ITGBL1: variants seen among roughly 807,000 people sequenced by gnomAD.
ITGBL1 encodes the protein integrin subunit beta like 1, also known as integrin beta-like protein 1.
ITGBL1 carries 51 observed loss-of-function variants against 68.5 expected under a neutral mutation model. The observed-to-expected ratio is 0.74, with a 90% CI of 0.59 to 0.94. The LOEUF (loss-of-function observed/expected upper bound fraction) is 0.94. ITGBL1 is among the 40% of genes least tolerant of loss of function. The pLI is 0.00. For missense variants in ITGBL1, 649 were observed against 647.4 expected (o/e 1.00, Z -0.03); for synonymous variants, 209 against 227.3 (o/e 0.92, Z 0.72).
At chr13:101,493,066 T>A (rs1335588) in intron 2 of ITGBL1, among the ~76,000 whole-genome samples, 76,111 of 151,922 alleles carry the variant, frequency 0.5, 19,596 homozygotes, top group Non-Finnish European at 0.54. Context: ...GGTTAATGGG[T>A]GGAAGGGGAG....
intron 7 of ITGBL1, among the ~76,000 whole-genome samples, chr13:101,620,234 A>G (rs1283026451): frequency 2.6e-5 from 4 of 152,164 alleles, no homozygotes; most frequent in African/African-American, 9.7e-5. Context: ...CAGGGTTTAC[A>G]TTTTGGGAGT....
chr13:101,629,891 C>T (rs1269126554), intron 7 of ITGBL1, among the ~76,000 whole-genome samples: 4 of 152,086 alleles, frequency 2.6e-5, no homozygotes, highest in East Asian at 1.9e-4. Flanking sequence ...GACACAACCT[C>T]GGCTCACTGC....
chr13:101,463,861 T>C (rs963476171), intron 2 of ITGBL1, among the ~76,000 whole-genome samples: 1 of 150,894 alleles, frequency 6.6e-6, no homozygotes, highest in Non-Finnish European at 1.5e-5. Context: ...TATTTAATCA[T>C]AAGAATGCAA....
chr13:101,597,563 T>G (rs2030056487), intron 6 of ITGBL1, among the ~76,000 whole-genome samples: 1 of 152,030 alleles, frequency 6.6e-6, no homozygotes, highest in Admixed American at 6.6e-5. Context: ...GTTTTTTTGT[T>G]TTTTTTGAGA....
intron 6 of ITGBL1, among the ~76,000 whole-genome samples, chr13:101,594,108 A>G (rs975214211): frequency 1.3e-5 from 2 of 152,148 alleles, no homozygotes; most frequent in Admixed American, 1.3e-4. Flanking sequence ...TGGAACCACA[A>G]TATACCCCAA....
At chr13:101,453,858 T>C (rs1176718019) in intron 1 of ITGBL1, 25 bp from the exon 2 acceptor site, 3 of 1,232,018 alleles carry the variant, frequency 2.4e-6, no homozygotes, top group Middle Eastern at 3.1e-4. Flanking sequence ...TGACCCGGCC[T>C]GCCGGTTGCT....
At chr13:101,699,850 A>T (rs775460168) in intron 8 of ITGBL1, among the ~76,000 whole-genome samples, 1 of 152,162 alleles carries the variant, frequency 6.6e-6, no homozygotes, top group East Asian at 1.9e-4. Context: ...AACTACTTCT[A>T]TGGTCTTATT....
intron 7 of ITGBL1, among the ~76,000 whole-genome samples, chr13:101,606,009 T>C (rs2030822101): frequency 2.0e-5 from 3 of 146,864 alleles, no homozygotes; most frequent in Admixed American, 1.4e-4. Flanking sequence ...TATACACATA[T>C]ATATGTATAT....
At chr13:101,594,115 C>T (rs2050703473) in intron 6 of ITGBL1, among the ~76,000 whole-genome samples, 1 of 151,920 alleles carries the variant, frequency 6.6e-6, no homozygotes, top group Admixed American at 6.6e-5. Context: ...ACAATATACC[C>T]CAAATAACTA....
intron 7 of ITGBL1, among the ~76,000 whole-genome samples, chr13:101,673,900 T>C (rs892523059): frequency 3.9e-5 from 6 of 152,166 alleles, no homozygotes; most frequent in African/African-American, 1.4e-4. Flanking sequence ...CCCTCTGACA[T>C]GGGATCAGAG....
At chr13:101,627,821 T>A (rs899015815) in intron 7 of ITGBL1, among the ~76,000 whole-genome samples, 1 of 152,238 alleles carries the variant, frequency 6.6e-6, no homozygotes, top group East Asian at 1.9e-4. Flanking sequence ...CTTGTCTGAA[T>A]GTACCACTGT....
At chr13:101,669,694 T>G (rs2033311515) in intron 7 of ITGBL1, among the ~76,000 whole-genome samples, 1 of 152,336 alleles carries the variant, frequency 6.6e-6, no homozygotes, top group African/African-American at 2.4e-5. Context: ...TAATTTTCAA[T>G]CATTTTCTGA....
chr13:101,605,232 ATG>A (rs2139348833), intron 7 of ITGBL1, among the ~76,000 whole-genome samples: 1 of 144,700 alleles, frequency 6.9e-6, no homozygotes, highest in Admixed American at 7.0e-5. Context: ...AGACATAGGC[ATG>A]TGTGTATATG....
At chr13:101,583,875 T>A (rs2050506644) in intron 6 of ITGBL1, among the ~76,000 whole-genome samples, 1 of 152,164 alleles carries the variant, frequency 6.6e-6, no homozygotes, top group Non-Finnish European at 1.5e-5. Flanking sequence ...CCCACTCTTT[T>A]AAAGTTAGTC....
Position 101,452,827 on chromosome 13 carries a change from G to C in ITGBL1, c.-7G>C, listed in dbSNP as rs753598937. On this transcript the variant is annotated 5_prime_UTR_variant, in exon 1 of 11. Transcript: ENST00000376180. ...GCAGCTCGCCCGGAGCAGCCCAGGA[G>C]CTCAGCATGCGTCCCCCAGGCTTCA... is the stretch of plus-strand genomic sequence containing the variant. The C allele has an allele frequency of 1.9e-6, 3 of 1,612,874 alleles. No homozygotes were observed. The South Asian group carries it at 3.3e-5, about 18-fold the overall frequency.
downstream of ITGBL1, chr13:101,720,604 T>TAAGTA (rs1233615799): frequency 6.6e-6 from 1 of 151,802 alleles, no homozygotes; most frequent in Non-Finnish European, 1.5e-5. Flanking sequence ...GTTGCTGCTG[T>TAAGTA]AAGTAGTGTC....
intron 7 of ITGBL1, among the ~76,000 whole-genome samples, chr13:101,692,124 T>C (rs1343233776): frequency 6.6e-6 from 1 of 152,136 alleles, no homozygotes; most frequent in Non-Finnish European, 1.5e-5. Context: ...GTCACTAAAA[T>C]AGCACATTGA....
chr13:101,679,590 A>G (rs2033592710), intron 7 of ITGBL1, among the ~76,000 whole-genome samples: 1 of 152,184 alleles, frequency 6.6e-6, no homozygotes, highest in Non-Finnish European at 1.5e-5. Context: ...TCAGTCATTC[A>G]CTGACTTTTT....
At chr13:101,454,727 C>G (rs1389538921) in intron 2 of ITGBL1, among the ~76,000 whole-genome samples, 1 of 152,134 alleles carries the variant, frequency 6.6e-6, no homozygotes, top group East Asian at 1.9e-4. Context: ...GTCTTTGAAG[C>G]CTGATTTGCC....
Sources: allele counts gnomAD v4.1 joint callset (sites outside exome capture counted in the v4.1 genomes callset), GRCh38; gene constraint gnomAD v4.1.1; transcripts MANE v1.5; gene names NCBI Gene and HGNC (gene_info 2026-07-23, HGNC 2026-07-21).